The following TMEM231 variants were observed in gnomAD, a reference collection of about 807,000 sequenced individuals.
TMEM231 encodes the protein transmembrane protein 231.
A neutral mutation model predicts 38.5 loss-of-function variants in TMEM231; 40 were observed. The observed-to-expected ratio is 1.04, with a 90% CI of 0.81 to 1.35. The LOEUF is 1.35. Among genes scored for constraint, TMEM231 ranks in the 40% most tolerant of loss-of-function variants. The pLI is 0.00. For missense variants in TMEM231, 420 were observed against 416.9 expected, an observed-to-expected ratio of 1.01 and a Z score of -0.07; for synonymous variants, 199 against 181.7, an observed-to-expected ratio of 1.10 and a Z score of -0.77.
chr16:75,555,600 G>C (rs994793574), intron 2 of TMEM231: 3 of 513,620 alleles, frequency 5.8e-6, no homozygotes, highest in Non-Finnish European at 3.3e-6. Flanking sequence ...TCTGGGGGCC[G>C]GGGACATCTG....
At chr16:75,553,764 C>T (rs1233027924) in intron 2 of TMEM231, among the ~76,000 whole-genome samples, 2 of 151,996 alleles carry the variant, frequency 1.3e-5, no homozygotes, top group African/African-American at 2.4e-5. Context: ...CTCAAGCAAT[C>T]CTCCTGCCTC....
At chr16:75,540,992 G>A (rs2080619988) in intron 6 of TMEM231, among the ~76,000 whole-genome samples, 1 of 152,054 alleles carries the variant, frequency 6.6e-6, no homozygotes, top group Admixed American at 6.6e-5. Flanking sequence ...TTTGAAAACT[G>A]AGCTACCATT....
At position 75,555,848 on chromosome 16, in the gene TMEM231, A is replaced by T. The variant is rs2080803875; in HGVS notation, c.265T>A (p.Phe89Ile). 6.3e-7 allele frequency: 1 copy of T among 1,580,564 alleles called. No homozygotes were observed. Among genetic ancestry groups the T allele is most frequent in the Non-Finnish European group, 8.6e-7 (1 of 1,163,548 alleles). The part of the protein sequence containing the change: ...GFLAWSTFPA[F>I]NRLQGDRLRV... ...AGGCGATCCCCTTGCAGCCGGTTGA[A>T]GGCGGGGAACGTGCTCCAGGCGAGG... Residue 89 changes from phenylalanine (F) to isoleucine (I), a missense_variant, in exon 2 of 7, where the codon TTC becomes ATC. Physicochemically the swap from Phe to Ile is conservative, Grantham distance 21. Coordinates refer to ENST00000258173, the MANE Select transcript of TMEM231 (RefSeq NM_001077418.3).
intron 4 of TMEM231, among the ~76,000 whole-genome samples, chr16:75,544,180 T>C (rs371724934): frequency 2.0e-5 from 3 of 152,354 alleles, no homozygotes; most frequent in South Asian, 2.1e-4. Flanking sequence ...ACGGATGTGA[T>C]AGTATTTGAG....
intron 2 of TMEM231, among the ~76,000 whole-genome samples, chr16:75,550,776 GTGCAATCTCAGCTCAC>G (rs1468185984): frequency 1.3e-4 from 19 of 151,270 alleles, no homozygotes; most frequent in African/African-American, 4.1e-4. Context: ...AGTATGGGTG[GTGCAATCTCAGCTCAC>G]TGCAATCTCC....
chr16:75,556,180 C>G lies in TMEM231; in HGVS notation c.30G>C (p.Pro10=), dbSNP rs1300851020. ...GCCCCGCGCGGTAACTGCGCTCGACCGGGTGAGAGAAGAGCTCATAGAGCG... is the reference window on the plus strand; with the variant it reads ...GCCCCGCGCGGTAACTGCGCTCGACGGGGTGAGAGAAGAGCTCATAGAGCG... MALYELFSH[P]VERSYRAGLC... Residue 10 remains proline, a synonymous_variant, in exon 1 of 7, where the codon CCG becomes CCC. Transcript: ENST00000258173. 6.5e-7 allele frequency: 1 copy of G among 1,528,698 alleles called. No homozygotes were observed. Among genetic ancestry groups the G allele is most frequent in the Non-Finnish European group, 8.8e-7 (1 of 1,142,250 alleles). The allele number at this position is 1,528,698 out of a possible 1,614,324, so 94.7% of individuals were successfully genotyped here.
chr16:75,540,137 A>G lies in TMEM231; in HGVS notation c.808T>C (p.Trp270Arg). Residue 270 changes from tryptophan to arginine, a missense_variant, in exon 7 of 7, where the codon TGG becomes CGG. By Grantham distance (101) the Trp-to-Arg change is moderately radical (BLOSUM62 -3). Coordinates refer to ENST00000258173, the MANE Select transcript of TMEM231 (RefSeq NM_001077418.3). The stretch of plus-strand genomic sequence containing the variant: ...AGCAGGATGCTGACATACTGCACCC[A>G]GGCGAACTTTACCATCTCCCAGAAT... ...PGFWEMVKFAWVQYVSILLIF... is the reference protein window; with the variant it reads ...PGFWEMVKFARVQYVSILLIF... The G allele has an allele frequency of 1.9e-6, 3 of 1,613,806 alleles. No homozygotes were observed. The highest frequency in any genetic ancestry group is 2.5e-6 in the Non-Finnish European group (3 of 1,179,834).
intron 2 of TMEM231, among the ~76,000 whole-genome samples, chr16:75,549,288 G>A (rs1270874293): frequency 1.3e-5 from 2 of 152,138 alleles, no homozygotes; most frequent in African/African-American, 2.4e-5. Context: ...GCATTCAAAG[G>A]CTACTACTTC....
Position 75,540,025 on chromosome 16 carries a change from C to A in TMEM231, c.920G>T (p.Arg307Leu). The A allele has an allele frequency of 6.2e-7, 1 of 1,613,112 alleles. No homozygotes were observed. The highest frequency in any genetic ancestry group is 8.5e-7 in the Non-Finnish European group (1 of 1,179,458). The part of the protein sequence containing the change: ...VTTIPVTVTP[R>L]GDLCKEHLS ...TAAGTGCTCCTTACACAAGTCTCCC[C>A]GGGGCGTCACTGTCACAGGAATGGT... The change falls in exon 7 of 7, where the codon CGG becomes CTG. Residue 307 changes from arginine (R) to leucine (L), a missense_variant. By Grantham distance (102) the Arg-to-Leu change is moderately radical. Transcript: ENST00000258173.
intron 5 of TMEM231, 68 bp from the exon 6 acceptor site, chr16:75,541,523 T>C: frequency 1.0e-6 from 1 of 970,580 alleles, no homozygotes; most frequent in Non-Finnish European, 1.5e-6. Flanking sequence ...GCTATAAAGA[T>C]TATTTGATAC....
At chr16:75,553,728 G>A (rs2151708418) in intron 2 of TMEM231, among the ~76,000 whole-genome samples, 1 of 149,836 alleles carries the variant, frequency 6.7e-6, no homozygotes, top group African/African-American at 2.5e-5. Flanking sequence ...TTGCTATGTT[G>A]CCCACACTGG....
chr16:75,545,578 G>GA, intron 3 of TMEM231, 83 bp from the exon 4 acceptor site: 1 of 1,008,918 alleles, frequency 9.9e-7, no homozygotes, highest in Non-Finnish European at 1.4e-6. Context: ...TGTCTTGGCT[G>GA]AAACCTAAGA....
intron 2 of TMEM231, among the ~76,000 whole-genome samples, chr16:75,550,753 T>C (rs2080750545): frequency 6.6e-6 from 1 of 151,308 alleles, no homozygotes; most frequent in Non-Finnish European, 1.5e-5. Context: ...TCTGGCTCTG[T>C]TGCCCAGGTT....
intron 2 of TMEM231, 103 bp downstream of exon 2, chr16:75,555,701 C>A (rs949460126): frequency 4.0e-6 from 5 of 1,259,018 alleles, no homozygotes; most frequent in Admixed American, 6.5e-5. Context: ...AGGATCAAAG[C>A]TGGGCTCCCC....
chr16:75,542,540 G>C, intron 5 of TMEM231, 62 bp downstream of exon 5: 1 of 1,372,240 alleles, frequency 7.3e-7, no homozygotes, highest in Non-Finnish European at 1.0e-6. Flanking sequence ...GCTTGTCTCT[G>C]TTGCCCCCAC....
In TMEM231 at chr16:75,555,870, G is replaced by T. The variant is rs371752653; in HGVS notation, c.243C>A (p.Leu81=). ...ALLGPESDGF[L]AWSTFPAFNR... is the part of the protein sequence containing the mutation. Reference sequence around the variant, plus strand: ...TGAAGGCGGGGAACGTGCTCCAGGCGAGGAACCCGTCGCTTTCGGGTCCGA... The same window carrying T: ...TGAAGGCGGGGAACGTGCTCCAGGCTAGGAACCCGTCGCTTTCGGGTCCGA... The change falls in exon 2 of 7, where the codon CTC becomes CTA. Residue 81 remains leucine, a synonymous_variant. Transcript: ENST00000258173. The T allele has an allele frequency of 6.3e-7, 1 of 1,590,944 alleles. No homozygotes were observed. The highest frequency in any genetic ancestry group is 1.3e-5 in the African/African-American group (1 of 74,474).
chr16:75,554,559 A>AAAAG (rs1555505372), intron 2 of TMEM231, among the ~76,000 whole-genome samples: 39 of 140,790 alleles, frequency 2.8e-4, no homozygotes, highest in African/African-American at 9.1e-4. Context: ...AAAAAAAAAA[A>AAAAG]AAAAGAAAAG....
chr16:75,550,716 TC>T (rs2080749645), intron 2 of TMEM231, among the ~76,000 whole-genome samples: 1 of 138,606 alleles, frequency 7.2e-6, no homozygotes, highest in Non-Finnish European at 1.5e-5. Context: ...TAAGTCGTAT[TC>T]TTTTTTTTTT....
Position 75,556,238 on chromosome 16 carries a change from CG to C in TMEM231, c.-30del. 7.2e-7 allele frequency: 1 copy of C among 1,391,448 alleles called. No homozygotes were observed. The highest frequency in any genetic ancestry group is 3.3e-5 in the Admixed American group (1 of 30,298). 86.2% of individuals were successfully genotyped at this position (1,391,448 alleles called of 1,614,324 possible). ...CACCGCTCGCAGGCACTCCGCGAGC[CG>C]GGGGACCAAGTTTGGCTTCTCCTGG... is the stretch of plus-strand genomic sequence containing the variant. On this transcript the variant is annotated 5_prime_UTR_variant, in exon 1 of 7. Coordinates refer to ENST00000258173, the MANE Select transcript of TMEM231 (RefSeq NM_001077418.3).
Sources: gnomAD v4.1 joint callset for allele counts (sites outside exome capture counted in the v4.1 genomes callset) on GRCh38, gnomAD v4.1.1 for gene constraint, MANE v1.5 for transcripts, NCBI Gene and HGNC (gene_info 2026-07-23, HGNC 2026-07-21) for gene names.